The following OPCML variants were observed in gnomAD, a reference collection of about 807,000 sequenced individuals.
OPCML encodes the protein opioid binding protein/cell adhesion molecule like, also known as opioid-binding protein/cell adhesion molecule.
Under a neutral mutation model 37.8 loss-of-function variants are expected in OPCML, and 13 were observed. The observed-to-expected ratio is 0.34, with a 90% CI of 0.22 to 0.55. The LOEUF (loss-of-function observed/expected upper bound fraction) is 0.55, where lower values mean the gene tolerates loss of function less well. Ranked by LOEUF, OPCML falls within the 20% of genes least tolerant of loss-of-function variation. The pLI, the probability that OPCML is intolerant of heterozygous loss-of-function variation, is 0.91. For synonymous variants in OPCML, 176 were observed against 168.8 expected (o/e 1.04, Z -0.33); for missense variants, 341 against 435.6 (o/e 0.78, Z 1.93).
At chr11:133,355,497 A>C (rs1944264026) in intron 1 of OPCML, among the ~76,000 whole-genome samples, 1 of 152,182 alleles carries the variant, frequency 6.6e-6, no homozygotes, top group South Asian at 2.1e-4. Context: ...TTGGAAAAAA[A>C]CTTCTAGGTC....
At chr11:133,052,049 C>A (rs1363788626) in intron 1 of OPCML, among the ~76,000 whole-genome samples, 1 of 152,138 alleles carries the variant, frequency 6.6e-6, no homozygotes, top group Non-Finnish European at 1.5e-5. Flanking sequence ...AGGTTCATAC[C>A]CTCAGGGGAC....
At chr11:133,528,344 G>A (rs990207926) in intron 1 of OPCML, among the ~76,000 whole-genome samples, 2 of 152,234 alleles carry the variant, frequency 1.3e-5, no homozygotes, top group African/African-American at 4.8e-5. Context: ...GTGAATCCAT[G>A]ATGGGCTAAA....
chr11:132,670,711 G>C (rs1012567883), intron 2 of OPCML, among the ~76,000 whole-genome samples: 1 of 152,128 alleles, frequency 6.6e-6, no homozygotes, highest in African/African-American at 2.4e-5. Context: ...ACTATAGATT[G>C]TAGTGAATAT....
intron 1 of OPCML, among the ~76,000 whole-genome samples, chr11:133,391,138 T>C (rs1945166059): frequency 6.6e-6 from 1 of 152,142 alleles, no homozygotes. Flanking sequence ...ATGTCGACGA[T>C]GTTGCAATGG....
At chr11:132,446,660 A>G (rs2096056126) in intron 4 of OPCML, among the ~76,000 whole-genome samples, 1 of 152,138 alleles carries the variant, frequency 6.6e-6, no homozygotes, top group African/African-American at 2.4e-5. Flanking sequence ...TCCCCTTATG[A>G]TTATGATTAT....
intron 2 of OPCML, among the ~76,000 whole-genome samples, chr11:132,681,725 G>A (rs1942951875): frequency 6.6e-6 from 1 of 152,122 alleles, no homozygotes; most frequent in Non-Finnish European, 1.5e-5. Flanking sequence ...GGAGGCCGAG[G>A]TGGGCAGATC....
intron 1 of OPCML, among the ~76,000 whole-genome samples, chr11:133,161,924 A>C (rs1418393932): frequency 6.7e-6 from 1 of 148,404 alleles, no homozygotes; most frequent in African/African-American, 2.5e-5. Context: ...CTCCAGTGAC[A>C]CTTTCCTTGC....
chr11:133,199,258 A>G (rs1345213276), intron 1 of OPCML, among the ~76,000 whole-genome samples: 1 of 152,176 alleles, frequency 6.6e-6, no homozygotes, highest in East Asian at 1.9e-4. Flanking sequence ...ATCTTACAAT[A>G]GTTTCTTGCT....
chr11:132,918,099 T>A (rs1944667130), intron 2 of OPCML, among the ~76,000 whole-genome samples: 1 of 152,238 alleles, frequency 6.6e-6, no homozygotes, highest in African/African-American at 2.4e-5. Context: ...AAAAGCACAA[T>A]GTAATCTTTA....
intron 1 of OPCML, among the ~76,000 whole-genome samples, chr11:133,443,451 A>C (rs1946404996): frequency 6.6e-6 from 1 of 152,204 alleles, no homozygotes; most frequent in Non-Finnish European, 1.5e-5. Context: ...CAACAGATGC[A>C]GAGATGGCTT....
At chr11:132,604,039 A>G (rs1413536842) in intron 3 of OPCML, among the ~76,000 whole-genome samples, 1 of 152,158 alleles carries the variant, frequency 6.6e-6, no homozygotes, top group African/African-American at 2.4e-5. Flanking sequence ...CTCCCTCGCC[A>G]TTTCATGCTC....
At chr11:133,117,814 A>C in intron 1 of OPCML, 1 of 984,834 alleles carries the variant, frequency 1.0e-6, no homozygotes, top group Non-Finnish European at 1.2e-6. Context: ...CTAAGCTCTA[A>C]CTCTGGAATA....
intron 1 of OPCML, among the ~76,000 whole-genome samples, chr11:133,484,816 A>T (rs183641186): frequency 2.6e-4 from 39 of 152,288 alleles, no homozygotes; most frequent in African/African-American, 8.9e-4. Context: ...ACATTAAAAT[A>T]TAAAGGGAAA....
At chr11:133,042,706 G>A (rs1947929755) in intron 1 of OPCML, among the ~76,000 whole-genome samples, 1 of 152,146 alleles carries the variant, frequency 6.6e-6, no homozygotes, top group Non-Finnish European at 1.5e-5. Context: ...GGGAACCACA[G>A]GGGTAGACGC....
intron 2 of OPCML, among the ~76,000 whole-genome samples, chr11:132,693,268 C>G (rs1447609439): frequency 6.6e-6 from 1 of 152,160 alleles, no homozygotes; most frequent in Non-Finnish European, 1.5e-5. Flanking sequence ...GCAGAGGAGA[C>G]AGCATAGTTG....
chr11:133,480,375 C>T (rs75354799), intron 1 of OPCML, among the ~76,000 whole-genome samples: 3,423 of 152,294 alleles, frequency 0.022, 128 homozygotes, highest in African/African-American at 0.078. Context: ...CAGGCTTTGG[C>T]CTTGCTCTGC....
chr11:132,606,676 C>A (rs577655889), intron 3 of OPCML, among the ~76,000 whole-genome samples: 1 of 37,234 alleles, frequency 2.7e-5, no homozygotes, highest in Non-Finnish European at 6.9e-5. Context: ...CCAATGGGAC[C>A]GTGACTGCCG....
intron 2 of OPCML, among the ~76,000 whole-genome samples, chr11:132,828,616 T>C (rs1396762482): frequency 6.7e-6 from 1 of 148,672 alleles, no homozygotes; most frequent in Non-Finnish European, 1.5e-5. Flanking sequence ...TATCCTATTG[T>C]TCACCAACAG....
chr11:132,840,784 A>G (rs1301116464), intron 2 of OPCML, among the ~76,000 whole-genome samples: 1 of 152,184 alleles, frequency 6.6e-6, no homozygotes, highest in African/African-American at 2.4e-5. Context: ...ACAGTAGGAA[A>G]TAGAACCATT....
Sources: gnomAD v4.1 joint callset for allele counts (sites outside exome capture counted in the v4.1 genomes callset) on GRCh38, gnomAD v4.1.1 for gene constraint, MANE v1.5 for transcripts, NCBI Gene and HGNC (gene_info 2026-07-23, HGNC 2026-07-21) for gene names.